Variants in C2CD5 observed in about 807,000 individuals in gnomAD.
C2CD5 encodes C2 domain-containing protein 5.
C2CD5 carries 109 observed loss-of-function variants against 130.3 expected under a neutral mutation model. The observed-to-expected ratio is 0.84, with a 90% CI of 0.72 to 0.98. The LOEUF (loss-of-function observed/expected upper bound fraction) is 0.98, where lower values mean the gene tolerates loss of function less well. C2CD5 is among the 50% of genes least tolerant of loss of function. C2CD5 has a pLI of 0.00. For synonymous variants in C2CD5, 454 were observed against 429.2 expected (o/e 1.06, Z -0.71); for missense variants, 996 against 1,261.8 (o/e 0.79, Z 3.19).
intron 2 of C2CD5, among the ~76,000 whole-genome samples, chr12:22,543,217 C>T (rs1004753188): frequency 1.3e-5 from 2 of 152,248 alleles, no homozygotes; most frequent in African/African-American, 4.8e-5. Flanking sequence ...TGGCTCATCA[C>T]GCCAATTTTT....
At position 22,478,376 on chromosome 12, in the gene C2CD5, A is replaced by C; in HGVS notation, c.1839T>G (p.His613Gln). Residue 613 changes from histidine (H) to glutamine (Q), a missense_variant, in exon 15 of 27, where the codon CAT becomes CAG. Physicochemically the swap from His to Gln is conservative, Grantham distance 24. Around this residue, in one of 9 missense-constraint regions of C2CD5, gnomAD observed 590 missense variants for 631.4 expected, o/e 0.93. Transcript: ENST00000446597. ...NDGSYEQHIS[H>Q]MQKKINDTIA... Reference sequence around the variant, plus strand: ...TTGTGTCATTTATCTTCTTCTGCATATGAGAGATGTGTTGTTCATATGAGC... The same window carrying C: ...TTGTGTCATTTATCTTCTTCTGCATCTGAGAGATGTGTTGTTCATATGAGC... 1 of 1,613,150 alleles carries C rather than the reference A, an allele frequency of 6.2e-7. No individual in the cohort carries two copies. The highest frequency in any genetic ancestry group is 8.5e-7 in the Non-Finnish European group (1 of 1,179,174).
At chr12:22,453,580 A>C (rs1035776130) in intron 26 of C2CD5, among the ~76,000 whole-genome samples, 3 of 152,154 alleles carry the variant, frequency 2.0e-5, no homozygotes, top group Non-Finnish European at 4.4e-5. Flanking sequence ...AAACTAAAGG[A>C]TATCTTTAGC....
At chr12:22,517,922 C>A (rs556478977) in intron 8 of C2CD5, 64 bp downstream of exon 8, 3 of 1,347,116 alleles carry the variant, frequency 2.2e-6, no homozygotes, top group Admixed American at 4.4e-5. Flanking sequence ...GGATGGAAAG[C>A]TAATAAGAAA....
chr12:22,527,851 T>C lies in C2CD5; in HGVS notation c.219A>G (p.Thr73=), dbSNP rs1397427420. ...CACTGTAAGTATCATGGTCAAGAAC[T>C]GTGATCTGTAAAGGTTCATCTTGTA... ...EDLQDEPLQI[T]VLDHDTYSAN... Residue 73 remains threonine, a synonymous_variant, in exon 4 of 27, where the codon ACA becomes ACG. Transcript: ENST00000446597. 2 of 1,611,212 alleles carry C rather than the reference T, an allele frequency of 1.2e-6. No homozygotes were observed. The highest frequency in any genetic ancestry group is 1.7e-6 in the Non-Finnish European group (2 of 1,178,142).
intron 14 of C2CD5, among the ~76,000 whole-genome samples, chr12:22,481,649 CTTTTTTTTTTT>C (rs34990025): frequency 8.6e-6 from 1 of 116,448 alleles, no homozygotes; most frequent in Non-Finnish European, 1.8e-5. Flanking sequence ...AGAAACACAC[CTTTTTTTTTTT>C]TTTTTTTTTT....
intron 8 of C2CD5, 108 bp from the exon 9 acceptor site, chr12:22,513,487 C>T (rs1417596937): frequency 3.9e-6 from 3 of 761,702 alleles, no homozygotes; most frequent in African/African-American, 1.7e-5. Context: ...ATAAAATGAT[C>T]GAAACATTTA....
intron 3 of C2CD5, among the ~76,000 whole-genome samples, chr12:22,534,497 C>A (rs1476769824): frequency 6.6e-6 from 1 of 151,860 alleles, no homozygotes; most frequent in Admixed American, 6.6e-5. Flanking sequence ...AGTTAATATT[C>A]AGAATATATA....
At chr12:22,450,167 C>G (rs745893440) in intron 26 of C2CD5, among the ~76,000 whole-genome samples, 17 of 151,708 alleles carry the variant, frequency 1.1e-4, no homozygotes, top group African/African-American at 4.1e-4. Context: ...TATATACTGG[C>G]AAAAAAATGT....
chr12:22,449,801 T>A lies in C2CD5; in HGVS notation c.3115A>T (p.Asn1039Tyr). ...CCTTCAGTACATGATGACTGGCAGT[T>A]GGTAGTAGGTTGCTGAGATGACACC... ...EVVSSQQPTTNCQSSCTEGEV... is the reference protein window; with the variant it reads ...EVVSSQQPTTYCQSSCTEGEV... The change falls in exon 27 of 27, where the codon AAC becomes TAC. Residue 1039 changes from asparagine (N) to tyrosine (Y), a missense_variant. Transcript: ENST00000446597. 1 of 1,609,580 alleles carries A rather than the reference T, an allele frequency of 6.2e-7. No individual in the cohort carries two copies. Among genetic ancestry groups the A allele is most frequent in the Non-Finnish European group, 8.5e-7 (1 of 1,176,660 alleles).
chr12:22,518,772 A>G (rs1026552839), intron 7 of C2CD5, among the ~76,000 whole-genome samples: 1 of 152,260 alleles, frequency 6.6e-6, no homozygotes, highest in African/African-American at 2.4e-5. Flanking sequence ...TATTTCATTT[A>G]GAATCTAATC....
chr12:22,458,623 GA>G (rs1037926003), intron 23 of C2CD5, 38 bp from the exon 24 acceptor site: 27 of 925,530 alleles, frequency 2.9e-5, no homozygotes, highest in African/African-American at 1.4e-4. Flanking sequence ...AAAAAACAAA[GA>G]AAAAAATATG....
chr12:22,487,797 C>A (rs969372026), intron 12 of C2CD5, among the ~76,000 whole-genome samples: 2 of 152,038 alleles, frequency 1.3e-5, no homozygotes, highest in African/African-American at 4.8e-5. Context: ...CACTTGGAAC[C>A]AACCCAAATG....
rs1167930855 is a variant in C2CD5 at position 22,544,407 on chromosome 12, C to T, written c.-117G>A. 2.2e-5 allele frequency: 8 copies of T among 365,378 alleles called. No homozygotes were observed. Among genetic ancestry groups the T allele is most frequent in the Non-Finnish European group, 3.9e-5 (8 of 203,936 alleles). The allele number at this position is 365,378 out of a possible 1,614,324, so 22.6% of individuals were successfully genotyped here. ...GGAGGAAGGGCTTTGATGGGTTCTT[C>T]CGTCCCGGCCCCACAAGGCTGGGAC... On this transcript the variant is annotated 5_prime_UTR_variant, in exon 1 of 27. Transcript: ENST00000446597.
chr12:22,486,171 A>C (rs575184553), intron 12 of C2CD5, among the ~76,000 whole-genome samples: 50 of 149,608 alleles, frequency 3.3e-4, no homozygotes, highest in Non-Finnish European at 6.6e-4. Flanking sequence ...GTCTTTTTAA[A>C]ACCAGGCTTG....
intron 14 of C2CD5, among the ~76,000 whole-genome samples, chr12:22,481,263 C>T (rs865778536): frequency 6.6e-6 from 1 of 152,154 alleles, no homozygotes. Context: ...AAACAGGAAA[C>T]AAATGTGCAT....
At chr12:22,534,772 G>A (rs1444998895) in intron 3 of C2CD5, 1 of 153,506 alleles carries the variant, frequency 6.5e-6, no homozygotes, top group Non-Finnish European at 1.4e-5. Context: ...TCTAGGGAGA[G>A]GAGGGAATGG....
intron 2 of C2CD5, among the ~76,000 whole-genome samples, chr12:22,542,654 T>C (rs948850342): frequency 5.9e-5 from 9 of 152,224 alleles, no homozygotes; most frequent in African/African-American, 2.2e-4. Context: ...ATTCTTTCCA[T>C]ATTCTAATAC....
intron 7 of C2CD5, among the ~76,000 whole-genome samples, chr12:22,519,603 G>A (rs1314164495): frequency 6.6e-6 from 1 of 151,974 alleles, no homozygotes; most frequent in African/African-American, 2.4e-5. Context: ...CACTATTTAT[G>A]GGGAGGGACG....
chr12:22,454,923 C>T (rs1360798106), intron 25 of C2CD5, among the ~76,000 whole-genome samples: 1 of 152,158 alleles, frequency 6.6e-6, no homozygotes, highest in Non-Finnish European at 1.5e-5. Flanking sequence ...GTTCAGGGTA[C>T]TTTTCCCATA....
Sources: allele counts gnomAD v4.1 joint callset (sites outside exome capture counted in the v4.1 genomes callset), GRCh38; gene constraint gnomAD v4.1.1; regional missense constraint gnomAD v4.1.1; transcripts MANE v1.5; gene names NCBI Gene and HGNC (gene_info 2026-07-23, HGNC 2026-07-21).